Variants in CD8B observed in about 807,000 individuals in gnomAD.
The protein encoded by CD8B is CD8 subunit beta, also known as T-cell surface glycoprotein CD8 beta chain.
CD8B carries 6 observed loss-of-function variants against 24.2 expected under a neutral mutation model. The ratio of observed to expected loss-of-function variants is 0.25; its 90% confidence interval spans 0.14 to 0.49. The LOEUF is 0.49. CD8B is among the 20% of genes least tolerant of loss of function. CD8B has a pLI of 0.98. For synonymous variants in CD8B, 84 were observed against 108.3 expected, an observed-to-expected ratio of 0.78 and a Z score of 1.39; for missense variants, 196 against 271.3, an observed-to-expected ratio of 0.72 and a Z score of 1.95.
intron 5 of CD8B, among the ~76,000 whole-genome samples, chr2:86,827,069 C>A (rs929286194): frequency 6.6e-6 from 1 of 152,048 alleles, no homozygotes; most frequent in African/African-American, 2.4e-5. Flanking sequence ...GATCCACTCG[C>A]CTCGGCCTCC....
At chr2:86,821,791 C>A (rs770789502) in intron 5 of CD8B, 17 of 401,528 alleles carry the variant, frequency 4.2e-5, no homozygotes, top group South Asian at 2.8e-4. Context: ...CCCCCACAAA[C>A]CCCGTCCTCT....
chr2:86,825,733 G>A (rs548382356), intron 5 of CD8B, among the ~76,000 whole-genome samples: 11 of 152,292 alleles, frequency 7.2e-5, no homozygotes, highest in South Asian at 2.1e-4. Context: ...GTTGGGACCC[G>A]TTCTTCGCTG....
chr2:86,821,430 G>T (rs1674464133), intron 5 of CD8B, among the ~76,000 whole-genome samples: 1 of 152,230 alleles, frequency 6.6e-6, no homozygotes, highest in South Asian at 2.1e-4. Context: ...GCTGGCGCCT[G>T]TGAGGCACTC....
rs961858302 is a variant in CD8B, at chr2:86,839,892, C to A, written c.*2415G>T. Among the ~76,000 whole-genome samples the A allele has an allele frequency of 6.6e-6, 1 of 152,162 alleles. No homozygotes were observed. Among genetic ancestry groups the A allele is most frequent in the African/African-American group, 2.4e-5 (1 of 41,454 alleles). On this transcript the variant is annotated 3_prime_UTR_variant, in exon 6 of 6. Coordinates refer to ENST00000390655, the MANE Select transcript of CD8B (RefSeq NM_004931.5). The stretch of plus-strand genomic sequence containing the variant: ...TTTGTGATGGGCCGGGTGAGGGGCC[C>A]ACCTGAAACACGAACCCTAGAGGAG...
chr2:86,861,187 C>A (rs1676566771), intron 1 of CD8B, among the ~76,000 whole-genome samples: 2 of 152,082 alleles, frequency 1.3e-5, no homozygotes, highest in South Asian at 2.1e-4. Context: ...AGGCTTCTTC[C>A]AAAAGGCAGT....
downstream of CD8B, among the ~76,000 whole-genome samples, chr2:86,834,488 A>ACACACACACACACACACACACAC (rs199775749): frequency 3.5e-5 from 5 of 142,304 alleles, no homozygotes; most frequent in African/African-American, 1.0e-4. Flanking sequence ...ACACACACAC[A>ACACACACACACACACACACACAC]AAAGTCTTAA....
At chr2:86,824,418 C>T (rs571746603) in intron 5 of CD8B, among the ~76,000 whole-genome samples, 1 of 152,282 alleles carries the variant, frequency 6.6e-6, no homozygotes, top group East Asian at 1.9e-4. Flanking sequence ...AACAGGAAAG[C>T]AATTGTTACC....
chr2:86,815,719 C>T lies in CD8B; in HGVS notation c.621-1G>A. ...TCCTGATATACCTTCCCCTTGAGGCCTTGCAAAAAGAAAAACAAGAGAGTC... is the reference window on the plus strand; with the variant it reads ...TCCTGATATACCTTCCCCTTGAGGCTTTGCAAAAAGAAAAACAAGAGAGTC... On this transcript the variant is annotated splice_acceptor_variant, in intron 5 of 5. Coordinates refer to the CD8B transcript ENST00000331469. LOFTEE classifies it high-confidence loss of function. The T allele has an allele frequency of 1.3e-6, 2 of 1,546,818 alleles. No individual in the cohort carries two copies. Among genetic ancestry groups the T allele is most frequent in the Non-Finnish European group, 1.8e-6 (2 of 1,119,306 alleles).
At chr2:86,849,116 G>C (rs1206269350) in intron 3 of CD8B, among the ~76,000 whole-genome samples, 3 of 152,262 alleles carry the variant, frequency 2.0e-5, no homozygotes, top group East Asian at 3.9e-4. Flanking sequence ...CTACTAAAAG[G>C]CAGGACCAGG....
In CD8B at chr2:86,842,070, C is replaced by G. The variant is rs952334795; in HGVS notation, c.*237G>C. ...ATTTCTTACTCAGTCCTCCAGCACA[C>G]TCTGTGAAGTGCCCTGGGGGCAATG... On this transcript the variant is annotated 3_prime_UTR_variant, in exon 6 of 6. Coordinates refer to ENST00000390655, the MANE Select transcript of CD8B (RefSeq NM_004931.5). 17 of 1,305,728 alleles carry G rather than the reference C, an allele frequency of 1.3e-5. No homozygotes were observed. Among genetic ancestry groups the G allele is most frequent in the Non-Finnish European group, 1.6e-5 (16 of 1,022,514 alleles). 80.9% of individuals were successfully genotyped at this position (1,305,728 alleles called of 1,614,324 possible). A position where few individuals can be genotyped will look rare whatever the true frequency, so the allele number is the denominator to read the frequency against.
At chr2:86,823,043 T>C (rs1558747903) in intron 5 of CD8B, among the ~76,000 whole-genome samples, 1 of 152,182 alleles carries the variant, frequency 6.6e-6, no homozygotes, top group African/African-American at 2.4e-5. Flanking sequence ...ATATTTATAT[T>C]TTTGTGCAAT....
chr2:86,822,308 A>G, intron 5 of CD8B: 1 of 1,495,446 alleles, frequency 6.7e-7, no homozygotes, highest in African/African-American at 1.4e-5. Context: ...AGAAGCTATC[A>G]AAATGTTTAT....
chr2:86,851,022 C>T (rs1380251519), intron 3 of CD8B, among the ~76,000 whole-genome samples: 22 of 149,076 alleles, frequency 1.5e-4, no homozygotes, highest in Non-Finnish European at 2.4e-4. Flanking sequence ...ACCTGGGAGG[C>T]GGAGGTTGCA....
intron 5 of CD8B, among the ~76,000 whole-genome samples, chr2:86,827,167 T>A (rs1234838470): frequency 6.6e-6 from 1 of 151,990 alleles, no homozygotes; most frequent in African/African-American, 2.4e-5. Context: ...GTTCATCAGC[T>A]AAGACTGTGC....
intron 3 of CD8B, among the ~76,000 whole-genome samples, chr2:86,849,657 A>C (rs529418129): frequency 4.7e-4 from 71 of 152,162 alleles, no homozygotes; most frequent in Non-Finnish European, 8.8e-4. Flanking sequence ...TTGTATGCTT[A>C]AAATGGGTGA....
intron 5 of CD8B, among the ~76,000 whole-genome samples, chr2:86,844,250 C>T (rs1166198611): frequency 1.3e-5 from 2 of 150,994 alleles, no homozygotes; most frequent in African/African-American, 2.4e-5. Flanking sequence ...TAGTGGGCCC[C>T]AAGAGTGCTA....
Position 86,840,543 on chromosome 2 carries a change from C to T in CD8B, c.*1764G>A, listed in dbSNP as rs1385456493. On this transcript the variant is annotated 3_prime_UTR_variant, in exon 6 of 6. Coordinates refer to ENST00000390655, the MANE Select transcript of CD8B (RefSeq NM_004931.5). ...CATTAGCCATGGACCAAATCCTTCA[C>T]CCAGATAAGGGGTAGCCAACAGGTA... 6.6e-5 allele frequency among the ~76,000 whole-genome samples: 10 copies of T among 152,222 alleles called. No individual in the cohort carries two copies. The highest frequency in any genetic ancestry group is 6.5e-4 in the Admixed American group (10 of 15,280).
chr2:86,825,025 C>T (rs996119075), intron 5 of CD8B, among the ~76,000 whole-genome samples: 1 of 152,266 alleles, frequency 6.6e-6, no homozygotes, highest in East Asian at 1.9e-4. Flanking sequence ...GGATCTCTTG[C>T]GTGGGTTCCA....
downstream of CD8B, among the ~76,000 whole-genome samples, chr2:86,837,165 A>G (rs571298384): frequency 2.6e-5 from 4 of 152,308 alleles, no homozygotes; most frequent in South Asian, 6.2e-4. Context: ...TCAAACAACA[A>G]CAAAATTATG....
Sources: allele counts gnomAD v4.1 joint callset (sites outside exome capture counted in the v4.1 genomes callset), GRCh38; gene constraint gnomAD v4.1.1; transcripts MANE v1.5; gene names NCBI Gene and HGNC (gene_info 2026-07-23, HGNC 2026-07-21).